Variants in FMN1 observed in about 807,000 individuals in gnomAD.
FMN1 encodes the protein formin-1.
In FMN1, 110 loss-of-function variants were observed where a neutral mutation model predicts 132.4. That is an observed-to-expected ratio of 0.83 (90% CI 0.71 to 0.97). The LOEUF (loss-of-function observed/expected upper bound fraction) is 0.97, where lower values mean the gene tolerates loss of function less well. FMN1 is among the 50% of genes least tolerant of loss of function. FMN1 has a pLI of 0.00. For missense variants in FMN1, 1,792 were observed against 1,705.3 expected, an observed-to-expected ratio of 1.05 and a Z score of -0.90; for synonymous variants, 722 against 651.7, an observed-to-expected ratio of 1.11 and a Z score of -1.64.
intron 15 of FMN1, among the ~76,000 whole-genome samples, chr15:32,894,568 T>C (rs553380277): frequency 4.0e-5 from 6 of 151,602 alleles, no homozygotes; most frequent in African/African-American, 1.2e-4. Context: ...TCCTCATATA[T>C]ACATACAAGG....
chr15:32,971,732 G>A (rs2031811224), intron 7 of FMN1, among the ~76,000 whole-genome samples: 2 of 152,292 alleles, frequency 1.3e-5, no homozygotes, highest in South Asian at 4.1e-4. Context: ...ATATGAAAGA[G>A]TTTCAAAGAC....
At chr15:32,850,699 T>A (rs1159721927) in intron 17 of FMN1, among the ~76,000 whole-genome samples, 2 of 152,252 alleles carry the variant, frequency 1.3e-5, no homozygotes, top group African/African-American at 4.8e-5. Context: ...CCAGCTGTCA[T>A]GGAATACCCA....
rs768687318 is a variant in FMN1, at chr15:33,154,714, G to T, written c.201C>A (p.Asp67Glu). 6.5e-7 allele frequency: 1 copy of T among 1,536,086 alleles called. No homozygotes were observed. The change falls in exon 4 of 21, where the codon GAC (aspartate) becomes GAA (glutamate). Residue 67 changes from aspartate (D) to glutamate (E), a missense_variant. Physicochemically the swap from Asp to Glu is conservative, Grantham distance 45. Transcript: ENST00000616417. The part of the protein sequence containing the change: ...SDIISLSQEP[D>E]EHPGDIFFKQ... ...TGAAAAATATGTCGCCTGGATGTTC[G>T]TCCGGCTCCTGGCTGAGGCTGATGA... is the stretch of plus-strand genomic sequence containing the variant.
intron 3 of FMN1, among the ~76,000 whole-genome samples, chr15:33,157,139 C>A (rs1204407266): frequency 6.6e-6 from 1 of 151,956 alleles, no homozygotes; most frequent in Non-Finnish European, 1.5e-5. Flanking sequence ...GTGGTGCATG[C>A]CTATAATCCT....
chr15:33,152,923 A>G (rs1964504641), intron 4 of FMN1, 125 bp downstream of exon 4: 3 of 950,052 alleles, frequency 3.2e-6, no homozygotes, highest in Non-Finnish European at 4.5e-6. Context: ...CTTGCTACAA[A>G]GTGAAGTAAT....
At chr15:32,945,211 C>G (rs1208482890) in intron 9 of FMN1, among the ~76,000 whole-genome samples, 3 of 152,132 alleles carry the variant, frequency 2.0e-5, no homozygotes, top group South Asian at 4.1e-4. Flanking sequence ...TGGCACTTAG[C>G]ACGGTGCCAA....
At chr15:32,939,380 G>C (rs1263403693) in intron 9 of FMN1, among the ~76,000 whole-genome samples, 1 of 152,122 alleles carries the variant, frequency 6.6e-6, no homozygotes, top group Non-Finnish European at 1.5e-5. Context: ...GGGAAAAAAA[G>C]ACAAGAGTGA....
intron 9 of FMN1, among the ~76,000 whole-genome samples, chr15:32,936,811 C>CA: frequency 1.3e-5 from 2 of 152,286 alleles, no homozygotes; most frequent in Middle Eastern, 6.8e-3. Flanking sequence ...CCTTGGACAA[C>CA]ACTGTGAAAA....
chr15:33,085,848 T>A (rs189760270), intron 5 of FMN1, among the ~76,000 whole-genome samples: 1 of 152,134 alleles, frequency 6.6e-6, no homozygotes, highest in African/African-American at 2.4e-5. Flanking sequence ...AACAGAGAAA[T>A]AATTAAATAA....
At chr15:32,950,191 T>C (rs1026927123) in intron 9 of FMN1, among the ~76,000 whole-genome samples, 1 of 149,442 alleles carries the variant, frequency 6.7e-6, no homozygotes, top group Admixed American at 6.7e-5. Flanking sequence ...AAAAATAACA[T>C]GCTGGCAAAG....
At chr15:33,044,035 A>C (rs542237130) in intron 6 of FMN1, among the ~76,000 whole-genome samples, 1 of 152,184 alleles carries the variant, frequency 6.6e-6, no homozygotes, top group African/African-American at 2.4e-5. Context: ...CACCTGCTCT[A>C]ATCTCAGTGC....
At chr15:32,930,147 G>A (rs1310917538) in intron 9 of FMN1, among the ~76,000 whole-genome samples, 1 of 151,524 alleles carries the variant, frequency 6.6e-6, no homozygotes, top group Admixed American at 6.6e-5. Context: ...CTGCCACCAC[G>A]CCCGGCTAAT....
intron 9 of FMN1, among the ~76,000 whole-genome samples, chr15:32,946,699 ATG>A (rs2061518538): frequency 6.6e-6 from 1 of 152,194 alleles, no homozygotes; most frequent in South Asian, 2.1e-4. Context: ...AAAACAGAAA[ATG>A]TGAAGTTGGA....
intron 16 of FMN1, among the ~76,000 whole-genome samples, chr15:32,886,500 G>A (rs2059900751): frequency 6.6e-6 from 1 of 152,146 alleles, no homozygotes; most frequent in Non-Finnish European, 1.5e-5. Context: ...AAAGTGAGGC[G>A]CTATGGGGGA....
intron 6 of FMN1, among the ~76,000 whole-genome samples, chr15:33,027,048 A>G (rs1327606519): frequency 6.6e-6 from 1 of 152,166 alleles, no homozygotes. Flanking sequence ...TCCTAACACT[A>G]AAGACAAGAA....
intron 17 of FMN1, among the ~76,000 whole-genome samples, chr15:32,813,586 C>G (rs953470957): frequency 1.3e-5 from 2 of 152,186 alleles, no homozygotes; most frequent in Non-Finnish European, 2.9e-5. Context: ...TATTCTACTA[C>G]TTTTGTTCCT....
At chr15:33,159,120 T>G (rs1253364155) in intron 3 of FMN1, among the ~76,000 whole-genome samples, 2 of 152,232 alleles carry the variant, frequency 1.3e-5, no homozygotes. Flanking sequence ...AGATCTAGGC[T>G]GCAGTGAGCC....
intron 9 of FMN1, among the ~76,000 whole-genome samples, chr15:32,927,290 G>A (rs1043464398): frequency 2.6e-5 from 4 of 151,948 alleles, no homozygotes; most frequent in African/African-American, 9.7e-5. Flanking sequence ...AGTATCCAGC[G>A]CCGTCACACA....
chr15:32,850,567 A>G (rs1596081692), intron 17 of FMN1, among the ~76,000 whole-genome samples: 1 of 152,212 alleles, frequency 6.6e-6, no homozygotes, highest in Non-Finnish European at 1.5e-5. Context: ...CTCTAGGTAC[A>G]TTACACAATT....
Sources: allele counts gnomAD v4.1 joint callset (sites outside exome capture counted in the v4.1 genomes callset), GRCh38; gene constraint gnomAD v4.1.1; transcripts MANE v1.5; gene names NCBI Gene and HGNC (gene_info 2026-07-23, HGNC 2026-07-21).